KIDINS220: variants seen among roughly 807,000 people sequenced by gnomAD.
KIDINS220 encodes the protein kinase D-interacting substrate of 220 kDa.
Under a neutral mutation model 157.6 loss-of-function variants are expected in KIDINS220, and 63 were observed. The ratio of observed to expected loss-of-function variants is 0.40; its 90% CI spans 0.33 to 0.49. The LOEUF is 0.49. Among genes scored for constraint, KIDINS220 ranks in the 20% least tolerant of loss-of-function variants. KIDINS220 has a pLI of 0.66. For missense variants in KIDINS220, 1,772 were observed against 2,171.2 expected (o/e 0.82, Z 3.65); for synonymous variants, 732 against 783.6 (o/e 0.93, Z 1.10).
At chr2:8,744,440 ATATATG>A (rs1666263749) in intron 26 of KIDINS220, among the ~76,000 whole-genome samples, 2 of 107,286 alleles carry the variant, frequency 1.9e-5, no homozygotes, top group Non-Finnish European at 3.6e-5. Flanking sequence ...ATATATATAT[ATATATG>A]GGATCATCTC....
At chr2:8,726,843 G>A (rs1663371707), downstream of KIDINS220, 1 of 1,004,600 alleles carries the variant, frequency 1.0e-6, no homozygotes, top group South Asian at 1.3e-5. Flanking sequence ...GTCCTAACGT[G>A]GCATATGACT....
At chr2:8,728,176 C>T (rs1342864168), downstream of KIDINS220, among the ~76,000 whole-genome samples, 1 of 151,962 alleles carries the variant, frequency 6.6e-6, no homozygotes, top group African/African-American at 2.4e-5. Flanking sequence ...GGCTGCATCT[C>T]CTCAAAAAAT....
intron 2 of KIDINS220, among the ~76,000 whole-genome samples, chr2:8,824,409 G>T (rs946652167): frequency 2.0e-5 from 3 of 152,192 alleles, no homozygotes; most frequent in African/African-American, 7.2e-5. Flanking sequence ...CGTCAGGCAT[G>T]ATGCCTCACG....
Position 8,801,932 on chromosome 2 carries a change from C to T in KIDINS220, c.801+998G>A, listed in dbSNP as rs186298116. On this transcript the variant is annotated intron_variant, in intron 8 of 29. Transcript: ENST00000256707. ...AAAAAAAGTGATCACGTAACTACTT[C>T]GGATTAAGTAGTTGAAGACCTTCCC... Among the ~76,000 whole-genome samples, 60 of 152,196 alleles carry T rather than the reference C, an allele frequency of 3.9e-4. 3 individuals are homozygous for T. The highest frequency in any genetic ancestry group is 6.8e-3 in the Middle Eastern group (2 of 294).
intron 7 of KIDINS220, among the ~76,000 whole-genome samples, chr2:8,804,721 T>C (rs1265752151): frequency 6.6e-6 from 1 of 152,236 alleles, no homozygotes; most frequent in Non-Finnish European, 1.5e-5. Context: ...TATTAAACAA[T>C]TTGTACTACG....
intron 2 of KIDINS220, among the ~76,000 whole-genome samples, chr2:8,820,477 G>A (rs996576793): frequency 6.6e-6 from 1 of 152,150 alleles, no homozygotes; most frequent in African/African-American, 2.4e-5. Context: ...TAGTTATAAT[G>A]ATTACCAAAA....
At chr2:8,831,765 C>G (rs1679659066) in intron 1 of KIDINS220, among the ~76,000 whole-genome samples, 1 of 152,222 alleles carries the variant, frequency 6.6e-6, no homozygotes, top group African/African-American at 2.4e-5. Context: ...CGGGAACTGA[C>G]CCGGCACACA....
At chr2:8,766,774 C>T (rs770195592) in intron 22 of KIDINS220, among the ~76,000 whole-genome samples, 9 of 152,066 alleles carry the variant, frequency 5.9e-5, no homozygotes, top group East Asian at 1.9e-4. Flanking sequence ...AAGCCAAACA[C>T]GTCAGTTTAA....
At chr2:8,821,307 G>T (rs554770903) in intron 2 of KIDINS220, among the ~76,000 whole-genome samples, 1 of 151,742 alleles carries the variant, frequency 6.6e-6, no homozygotes, top group African/African-American at 2.4e-5. Context: ...CCAGTATCTA[G>T]AAAGACAGGG....
At chr2:8,732,101 TC>T (rs1664210493) in intron 29 of KIDINS220, 119 bp from the exon 30 acceptor site, 1 of 868,736 alleles carries the variant, frequency 1.2e-6, no homozygotes, top group Non-Finnish European at 1.6e-6. Context: ...AACATCAAAT[TC>T]TTTTAAAAGA....
At chr2:8,749,325 A>C in intron 24 of KIDINS220, 1 of 441,040 alleles carries the variant, frequency 2.3e-6, no homozygotes, top group Admixed American at 2.5e-5. Context: ...GTTTTCTCGA[A>C]TTAGACTAAA....
intron 21 of KIDINS220, among the ~76,000 whole-genome samples, chr2:8,776,404 A>G (rs1670961478): frequency 6.6e-6 from 1 of 152,230 alleles, no homozygotes; most frequent in Non-Finnish European, 1.5e-5. Flanking sequence ...AATTAAAAAA[A>G]AAGCATATAA....
chr2:8,781,153 A>ATATATATTATATAT lies in KIDINS220; in HGVS notation c.2230-1340_2230-1339insATATATAATATATA, dbSNP rs70946383. Among the ~76,000 whole-genome samples, 907 of 130,390 alleles carry ATATATATTATATAT rather than the reference A, an allele frequency of 7.0e-3. 5 individuals carry two copies. Among genetic ancestry groups the ATATATATTATATAT allele is most frequent in the Non-Finnish European group, 0.01 (633 of 62,272 alleles). The allele number at this position is 130,390 out of a possible 152,430, so 85.5% of individuals were successfully genotyped here. On this transcript the variant is annotated intron_variant, in intron 17 of 29. Transcript: ENST00000256707. The stretch of plus-strand genomic sequence containing the variant: ...ACTATATTAATTATTATATATATAT[A>ATATATATTATATAT]ATATATATATATTAAAGGGGGGCAT...
intron 2 of KIDINS220, among the ~76,000 whole-genome samples, chr2:8,821,266 T>G (rs1345882232): frequency 6.6e-6 from 1 of 152,122 alleles, no homozygotes; most frequent in Admixed American, 6.5e-5. Context: ...ATTGTCATTA[T>G]TTTCTCTTGC....
intron 21 of KIDINS220, among the ~76,000 whole-genome samples, chr2:8,774,098 C>G (rs1307124617): frequency 6.6e-6 from 1 of 151,678 alleles, no homozygotes; most frequent in Admixed American, 6.6e-5. Context: ...GAGTTCAAGA[C>G]CAGCCTGACC....
intron 26 of KIDINS220, among the ~76,000 whole-genome samples, chr2:8,739,342 T>C (rs1400993305): frequency 6.6e-6 from 1 of 152,174 alleles, no homozygotes; most frequent in Non-Finnish European, 1.5e-5. Flanking sequence ...ATCAAAACTA[T>C]AGTCTGACCC....
At chr2:8,764,227 C>T (rs946888141) in intron 22 of KIDINS220, among the ~76,000 whole-genome samples, 8 of 152,066 alleles carry the variant, frequency 5.3e-5, no homozygotes, top group African/African-American at 1.9e-4. Flanking sequence ...AAATAATAGA[C>T]TTTAGAGACT....
At chr2:8,816,866 T>C (rs1243973011) in intron 4 of KIDINS220, among the ~76,000 whole-genome samples, 1 of 152,202 alleles carries the variant, frequency 6.6e-6, no homozygotes, top group African/African-American at 2.4e-5. Flanking sequence ...AGAACAAATA[T>C]AAGATTATAC....
At chr2:8,825,528 T>G (rs982463012) in intron 2 of KIDINS220, among the ~76,000 whole-genome samples, 8 of 152,120 alleles carry the variant, frequency 5.3e-5, no homozygotes, top group Non-Finnish European at 1.0e-4. Flanking sequence ...ATAAAACTTT[T>G]TATATGTCTA....
Sources: allele counts gnomAD v4.1 joint callset (sites outside exome capture counted in the v4.1 genomes callset), GRCh38; gene constraint gnomAD v4.1.1; transcripts MANE v1.5; gene names NCBI Gene and HGNC (gene_info 2026-07-23, HGNC 2026-07-21).